Variants in POLR1A observed in about 807,000 individuals in gnomAD.
The protein encoded by POLR1A is DNA-directed RNA polymerase I subunit RPA1.
Under a neutral mutation model 205.3 loss-of-function variants are expected in POLR1A, and 84 were observed. That is an observed-to-expected ratio of 0.41 (90% CI 0.34 to 0.49). The LOEUF (loss-of-function observed/expected upper bound fraction) is 0.49, where lower values mean the gene tolerates loss of function less well. Among genes scored for constraint, POLR1A ranks in the 20% least tolerant of loss-of-function variants. The probability of loss-of-function intolerance (pLI) is 0.22; values close to 1 mark genes in which losing one functional copy is unlikely to be tolerated. For missense variants in POLR1A, 1,645 were observed against 2,204.5 expected (o/e 0.75, Z 5.08); for synonymous variants, 799 against 863.7 (o/e 0.93, Z 1.31).
chr2:86,088,426 G>A, intron 6 of POLR1A, 140 bp downstream of exon 6: 1 of 597,252 alleles, frequency 1.7e-6, no homozygotes. Context: ...TCAGGCCTGA[G>A]AGGCCTGCAC....
Position 86,083,150 on chromosome 2 carries a change from A to C in POLR1A, c.749T>G (p.Ile250Arg), listed in dbSNP as rs550365565. The change falls in exon 7 of 34, where the codon ATA becomes AGA. Residue 250 changes from isoleucine to arginine, a missense_variant. Ile to Arg is a moderately conservative substitution (Grantham distance 97). Coordinates refer to ENST00000263857, the MANE Select transcript of POLR1A (RefSeq NM_015425.6). Reference protein sequence around the residue: ...SEPLGIEEAQIGKRGYLTPTS... With the variant: ...SEPLGIEEAQRGKRGYLTPTS... Reference sequence around the variant, plus strand: ...GGGTGTTAAGTATCCTCGTTTTCCTATCTGAGCTTCCTCAATTCCTGGAGC... The same window carrying C: ...GGGTGTTAAGTATCCTCGTTTTCCTCTCTGAGCTTCCTCAATTCCTGGAGC... 6.2e-7 allele frequency: 1 copy of C among 1,613,666 alleles called. No individual in the cohort carries two copies. The highest frequency in any genetic ancestry group is 8.5e-7 in the Non-Finnish European group (1 of 1,179,600).
intron 18 of POLR1A, 50 bp downstream of exon 18, chr2:86,048,834 A>G (rs946209680): frequency 3.2e-6 from 5 of 1,542,470 alleles, no homozygotes; most frequent in Non-Finnish European, 3.6e-6. Context: ...ATTTTTTTAA[A>G]AATCAGCATT....
At chr2:86,081,766 G>A (rs1558781547) in intron 7 of POLR1A, 60 bp from the exon 8 acceptor site, 2 of 940,706 alleles carry the variant, frequency 2.1e-6, no homozygotes, top group East Asian at 4.8e-5. Flanking sequence ...GGGCATGGGA[G>A]GACAACCATA....
At chr2:86,035,016 A>G (rs1415725532) in intron 27 of POLR1A, among the ~76,000 whole-genome samples, 2 of 152,090 alleles carry the variant, frequency 1.3e-5, no homozygotes, top group African/African-American at 4.8e-5. Flanking sequence ...GATTACAGGC[A>G]TGCACCACCA....
chr2:86,033,759 T>C lies in POLR1A; in HGVS notation c.4063A>G (p.Lys1355Glu), dbSNP rs1233336776. 1 of 1,614,106 alleles carries C rather than the reference T, an allele frequency of 6.2e-7. No individual in the cohort carries two copies. Among genetic ancestry groups the C allele is most frequent in the Admixed American group, 1.7e-5 (1 of 60,032 alleles). The change falls in exon 28 of 34, where the codon AAA becomes GAA. Residue 1355 changes from lysine to glutamate, a missense_variant. Around this residue, in one of 16 missense-constraint regions of POLR1A, gnomAD observed 394 missense variants for 468.5 expected, o/e 0.84. Coordinates refer to ENST00000263857, the MANE Select transcript of POLR1A (RefSeq NM_015425.6). Reference sequence around the variant, plus strand: ...GCTGATGCTTTATTATTCTTCTTTTTGATGGATTCCATCAGAAGTTTAAAG... The same window carrying C: ...GCTGATGCTTTATTATTCTTCTTTTCGATGGATTCCATCAGAAGTTTAAAG... ...RFFKLLMESI[K>E]KKNNKASAFR...
rs764023902 is a variant in POLR1A at position 86,070,589 on chromosome 2, T to C, written c.1612-317A>G. On this transcript the variant is annotated intron_variant, in intron 12 of 33. Transcript: ENST00000263857. The surrounding 1 kb of genome is among the most constrained non-coding windows in gnomAD (Gnocchi z 4.4). ...CAGGTTTCTGGATTACTCTGAAAAC[T>C]AATCCAAAGAAAGAAATGGATACAA... Among the ~76,000 whole-genome samples the C allele has an allele frequency of 3.3e-5, 5 of 152,008 alleles. No individual in the cohort carries two copies. The highest frequency in any genetic ancestry group is 1.2e-4 in the African/African-American group (5 of 41,356).
chr2:86,098,847 T>G (rs1350378409), intron 2 of POLR1A, 87 bp from the exon 3 acceptor site: 1 of 1,269,328 alleles, frequency 7.9e-7, no homozygotes, highest in Non-Finnish European at 1.1e-6. Flanking sequence ...AGTTTCTTTA[T>G]GTAGTCAGTC....
At chr2:86,029,956 G>A (rs1672352132) in intron 31 of POLR1A, among the ~76,000 whole-genome samples, 1 of 152,196 alleles carries the variant, frequency 6.6e-6, no homozygotes, top group African/African-American at 2.4e-5. Flanking sequence ...GCGACTCTGG[G>A]TTGGATAAGT....
Position 86,080,799 on chromosome 2 carries a change from A to C in POLR1A, c.1086+17T>G. On this transcript the variant is annotated intron_variant, in intron 9 of 33. Coordinates refer to ENST00000263857, the MANE Select transcript of POLR1A (RefSeq NM_015425.6). ...AAGCATGTGTGCTCATCACATCAGC[A>C]ACAGAGCAGCCCTGACCTCATCTGT... The C allele has an allele frequency of 6.3e-7, 1 of 1,594,658 alleles. No homozygotes were observed. The highest frequency in any genetic ancestry group is 8.5e-7 in the Non-Finnish European group (1 of 1,169,778).
chr2:86,065,384 G>C lies in POLR1A; in HGVS notation c.1948C>G (p.Arg650Gly). The change falls in exon 14 of 34, where the codon CGG becomes GGG. Residue 650 changes from arginine (R) to glycine (G), a missense_variant. By Grantham distance (125) the Arg-to-Gly change is moderately radical. Around this residue, in one of 16 missense-constraint regions of POLR1A, gnomAD observed 339 missense variants for 415.1 expected, o/e 0.82. Transcript: ENST00000263857. ...TACACCAGCTCCATATAGTGCTCCC[G>C]GGTGAAAAAGCAACCCCGAGTAGTC... Reference protein sequence around the residue: ...SMTTRGCFFTREHYMELVYRG... With the variant: ...SMTTRGCFFTGEHYMELVYRG... The C allele has an allele frequency of 6.2e-7, 1 of 1,614,072 alleles. No homozygotes were observed. The highest frequency in any genetic ancestry group is 8.5e-7 in the Non-Finnish European group (1 of 1,179,952).
At chr2:86,030,946 T>C (rs1030438683) in intron 30 of POLR1A, among the ~76,000 whole-genome samples, 1 of 152,192 alleles carries the variant, frequency 6.6e-6, no homozygotes, top group South Asian at 2.1e-4. Context: ...GTGTGGTCCA[T>C]GGTAACATAT....
intron 9 of POLR1A, among the ~76,000 whole-genome samples, chr2:86,079,303 C>G (rs1558780587): frequency 1.3e-5 from 2 of 152,180 alleles, no homozygotes; most frequent in African/African-American, 2.4e-5. Context: ...CCTGTTAGCC[C>G]AACTCACTGC....
At chr2:86,076,237 T>A (rs1673280787) in intron 11 of POLR1A, among the ~76,000 whole-genome samples, 1 of 152,200 alleles carries the variant, frequency 6.6e-6, no homozygotes, top group Non-Finnish European at 1.5e-5. Context: ...ATGTCCTACA[T>A]AAAGGAACTT....
rs1213060568 is a variant in POLR1A at position 86,022,230 on chromosome 2, A to G, written c.*5193T>C. On this transcript the variant is annotated 3_prime_UTR_variant, in exon 34 of 34. Coordinates refer to ENST00000263857, the MANE Select transcript of POLR1A (RefSeq NM_015425.6). Reference sequence around the variant, plus strand: ...AGGCCTCCAGGTTTCTGCTGGAAGCATCATCCCTTTCTTCTTTCAGGCTTT... The same window carrying G: ...AGGCCTCCAGGTTTCTGCTGGAAGCGTCATCCCTTTCTTCTTTCAGGCTTT... 6.6e-6 allele frequency: 1 copy of G among 152,242 alleles called. No individual in the cohort carries two copies. The highest frequency in any genetic ancestry group is 1.5e-5 in the Non-Finnish European group (1 of 68,092). The allele number at this position is 152,242 out of a possible 1,614,324, so 9.4% of individuals were successfully genotyped here. A position where few individuals can be genotyped will look rare whatever the true frequency, so the allele number is the denominator to read the frequency against.
In POLR1A at chr2:86,043,153, C is replaced by A. The variant is rs1156919586; in HGVS notation, c.3178G>T (p.Ala1060Ser). Residue 1060 changes from alanine (A) to serine (S), a missense_variant, in exon 23 of 34, where the codon GCA (alanine) becomes TCA (serine). By Grantham distance (99) the Ala-to-Ser change is moderately conservative. Transcript: ENST00000263857. ...SQHLHEVLSR[A>S]DPKKALHHFR... Reference sequence around the variant, plus strand: ...TGGTGGAGAGCTTTTTTGGGATCTGCTCTGGATAAAACTTCATGGAGATGC... The same window carrying A: ...TGGTGGAGAGCTTTTTTGGGATCTGATCTGGATAAAACTTCATGGAGATGC... 31 of 1,614,022 alleles carry A rather than the reference C, an allele frequency of 1.9e-5. No homozygotes were observed. The highest frequency in any genetic ancestry group is 2.5e-5 in the Non-Finnish European group (30 of 1,180,008).
At chr2:86,048,584 T>C (rs1454213813) in intron 18 of POLR1A, among the ~76,000 whole-genome samples, 1 of 152,220 alleles carries the variant, frequency 6.6e-6, no homozygotes, top group Non-Finnish European at 1.5e-5. Flanking sequence ...TCACCCCTGG[T>C]GGCCCCATTC....
chr2:86,035,708 G>A (rs1053624096), intron 27 of POLR1A, among the ~76,000 whole-genome samples: 1 of 152,162 alleles, frequency 6.6e-6, no homozygotes, highest in African/African-American at 2.4e-5. Context: ...GGCTCACTCT[G>A]CCAGTAACTT....
chr2:86,030,040 C>T (rs757220043), intron 31 of POLR1A, among the ~76,000 whole-genome samples, 156 bp downstream of exon 31: 3 of 152,208 alleles, frequency 2.0e-5, no homozygotes, highest in Non-Finnish European at 2.9e-5. Context: ...GACGAGGACA[C>T]GCACACTTGG....
intron 11 of POLR1A, 65 bp from the exon 12 acceptor site, chr2:86,075,325 A>G (rs1395261689): frequency 1.7e-6 from 2 of 1,154,908 alleles, no homozygotes; most frequent in Non-Finnish European, 2.5e-6. Context: ...TGGACCCCAA[A>G]TCTGTCTCAA....
Sources: allele counts gnomAD v4.1 joint callset (sites outside exome capture counted in the v4.1 genomes callset), GRCh38; gene constraint gnomAD v4.1.1; regional missense constraint gnomAD v4.1.1; non-coding constraint Gnocchi (gnomAD v3.1); transcripts MANE v1.5; gene names NCBI Gene and HGNC (gene_info 2026-07-23, HGNC 2026-07-21).